The following EEPD1 variants were observed in gnomAD, a reference collection of about 807,000 sequenced individuals.
EEPD1 encodes endonuclease/exonuclease/phosphatase family domain-containing protein 1.
A neutral mutation model predicts 46.3 loss-of-function variants in EEPD1; 17 were observed. The observed-to-expected ratio is 0.37, with a 90% CI of 0.25 to 0.55. The LOEUF (loss-of-function observed/expected upper bound fraction) is 0.55, where lower values mean the gene tolerates loss of function less well. Ranked by LOEUF, EEPD1 falls within the 20% of genes least tolerant of loss-of-function variation. The pLI is 0.83. For missense variants in EEPD1, 673 were observed against 745.6 expected (o/e 0.90, Z 1.13); for synonymous variants, 313 against 315.6 (o/e 0.99, Z 0.09).
chr7:36,213,973 C>A (rs1562689289), intron 2 of EEPD1, among the ~76,000 whole-genome samples: 2 of 152,000 alleles, frequency 1.3e-5, no homozygotes, highest in Non-Finnish European at 2.9e-5. Flanking sequence ...AGGGGGGATC[C>A]ATAGGATGGA....
At chr7:36,294,321 A>C (rs1490229949) in intron 6 of EEPD1, among the ~76,000 whole-genome samples, 1 of 152,264 alleles carries the variant, frequency 6.6e-6, no homozygotes, top group African/African-American at 2.4e-5. Flanking sequence ...ATGATAGAAT[A>C]AAGCTCAGAA....
At position 36,299,125 on chromosome 7, in the gene EEPD1, C is replaced by G; in HGVS notation, c.1629C>G (p.Asp543Glu). 3 of 1,611,570 alleles carry G rather than the reference C, an allele frequency of 1.9e-6. No individual in the cohort carries two copies. The highest frequency in any genetic ancestry group is 2.5e-6 in the Non-Finnish European group (3 of 1,177,910). The change falls in exon 8 of 8, where the codon GAC (aspartate) becomes GAG (glutamate). Residue 543 changes from aspartate to glutamate, a missense_variant. Coordinates refer to ENST00000242108, the MANE Select transcript of EEPD1 (RefSeq NM_030636.3). ...PVLAEFYTEK[D>E]WSKKDAPRNG... ...TAGCCGAGTTCTACACTGAAAAGGA[C>G]TGGAGCAAGAAGGATGCCCCTCGGA...
chr7:36,247,327 G>A (rs1298177723), intron 3 of EEPD1, among the ~76,000 whole-genome samples: 1 of 152,034 alleles, frequency 6.6e-6, no homozygotes. Flanking sequence ...TGGTGAGGGT[G>A]TTTTCTGAAT....
chr7:36,235,116 C>T (rs1272621181), intron 2 of EEPD1, among the ~76,000 whole-genome samples: 1 of 147,690 alleles, frequency 6.8e-6, no homozygotes, highest in Non-Finnish European at 1.5e-5. Context: ...TTCCCCACAG[C>T]CTCCAGCCCA....
At chr7:36,269,717 G>A (rs1045187644) in intron 3 of EEPD1, among the ~76,000 whole-genome samples, 2 of 152,130 alleles carry the variant, frequency 1.3e-5, no homozygotes. Context: ...GCAACATAGA[G>A]AGATCCCATC....
intron 5 of EEPD1, among the ~76,000 whole-genome samples, chr7:36,286,977 C>T (rs1020487871): frequency 1.3e-5 from 2 of 152,084 alleles, no homozygotes; most frequent in African/African-American, 2.4e-5. Flanking sequence ...AATCCCAGAA[C>T]TTTGGGAGGC....
intron 3 of EEPD1, among the ~76,000 whole-genome samples, chr7:36,260,576 GT>G (rs2115829044): frequency 6.6e-6 from 1 of 152,282 alleles, no homozygotes; most frequent in South Asian, 2.1e-4. Context: ...AGTTTCCTTT[GT>G]TTGAGGGGAT....
At chr7:36,246,206 C>G (rs1307347938) in intron 3 of EEPD1, among the ~76,000 whole-genome samples, 1 of 152,144 alleles carries the variant, frequency 6.6e-6, no homozygotes, top group Non-Finnish European at 1.5e-5. Flanking sequence ...GGCCACCCAC[C>G]TGGTGGCCTT....
chr7:36,224,141 G>A (rs918781552), intron 2 of EEPD1, among the ~76,000 whole-genome samples: 1 of 152,180 alleles, frequency 6.6e-6, no homozygotes, highest in Admixed American at 6.5e-5. Context: ...TTTAAAAAGT[G>A]GCATTAAATA....
chr7:36,223,309 C>T (rs1385721826), intron 2 of EEPD1, among the ~76,000 whole-genome samples: 1 of 152,012 alleles, frequency 6.6e-6, no homozygotes, highest in East Asian at 1.9e-4. Context: ...GCTTTTTGTG[C>T]GCATCTCTTC....
intron 6 of EEPD1, among the ~76,000 whole-genome samples, chr7:36,294,929 G>C (rs1472891508): frequency 6.6e-6 from 1 of 152,128 alleles, no homozygotes; most frequent in Non-Finnish European, 1.5e-5. Context: ...TATAATCCCA[G>C]CACTTTGGGA....
intron 2 of EEPD1, among the ~76,000 whole-genome samples, chr7:36,203,286 G>A (rs541109670): frequency 1.6e-4 from 24 of 152,288 alleles, no homozygotes; most frequent in Non-Finnish European, 2.5e-4. Flanking sequence ...GCACACAGAA[G>A]GGAAGTAGCT....
rs527322511 is a variant in EEPD1 at position 36,277,507 on chromosome 7, G to A, written c.931-3608G>A. Among the ~76,000 whole-genome samples, 34 of 152,218 alleles carry A rather than the reference G, an allele frequency of 2.2e-4. 1 individual carries two copies. Among genetic ancestry groups the A allele is most frequent in the Non-Finnish European group, 1.3e-4 (9 of 68,046 alleles). ...CCGATTCTCGTGCAGCAGGTCTAGG[G>A]TGGGCCTGTGAGTTTGCATTTCTGG... On this transcript the variant is annotated intron_variant, in intron 3 of 7. Coordinates refer to ENST00000242108, the MANE Select transcript of EEPD1 (RefSeq NM_030636.3).
At chr7:36,250,809 C>T (rs1786726880) in intron 3 of EEPD1, among the ~76,000 whole-genome samples, 1 of 152,128 alleles carries the variant, frequency 6.6e-6, no homozygotes, top group African/African-American at 2.4e-5. Flanking sequence ...TTCAGGAGGT[C>T]CCAGCACTGT....
At chr7:36,181,365 C>T (rs1461156627) in intron 2 of EEPD1, among the ~76,000 whole-genome samples, 1 of 152,194 alleles carries the variant, frequency 6.6e-6, no homozygotes, top group Non-Finnish European at 1.5e-5. Context: ...CTTCTGGTGT[C>T]CTGTGCTCAC....
At chr7:36,283,275 A>G (rs1787289556) in intron 4 of EEPD1, among the ~76,000 whole-genome samples, 1 of 152,166 alleles carries the variant, frequency 6.6e-6, no homozygotes, top group African/African-American at 2.4e-5. Context: ...GGGGCAAGAA[A>G]CCAGCGGTGG....
chr7:36,232,077 T>G (rs1261316558), intron 2 of EEPD1, among the ~76,000 whole-genome samples: 1 of 151,982 alleles, frequency 6.6e-6, no homozygotes, highest in Non-Finnish European at 1.5e-5. Context: ...AATATTAATA[T>G]GCACTGCCCT....
At chr7:36,267,760 C>A (rs1479498543) in intron 3 of EEPD1, among the ~76,000 whole-genome samples, 2 of 152,162 alleles carry the variant, frequency 1.3e-5, no homozygotes, top group Non-Finnish European at 2.9e-5. Context: ...CTGTTTGTAT[C>A]CCCTGCCACC....
intron 2 of EEPD1, among the ~76,000 whole-genome samples, chr7:36,155,982 C>G (rs1463146770): frequency 6.6e-6 from 1 of 152,200 alleles, no homozygotes. Flanking sequence ...TTGGCAGTAA[C>G]TCCTGCTGTT....
Sources: allele counts gnomAD v4.1 joint callset (sites outside exome capture counted in the v4.1 genomes callset), GRCh38; gene constraint gnomAD v4.1.1; transcripts MANE v1.5; gene names NCBI Gene and HGNC (gene_info 2026-07-23, HGNC 2026-07-21).